PPIG: variants seen among roughly 807,000 people sequenced by gnomAD.
PPIG encodes peptidylprolyl isomerase G.
In PPIG, 26 loss-of-function variants were observed where a neutral mutation model predicts 87.9. The ratio of observed to expected loss-of-function variants is 0.30; its 90% confidence interval spans 0.22 to 0.41. The LOEUF is 0.41. PPIG is among the 10% of genes least tolerant of loss of function. The probability of loss-of-function intolerance (pLI) is 1.00; values close to 1 mark genes in which losing one functional copy is unlikely to be tolerated. For synonymous variants in PPIG, 308 were observed against 276.5 expected (o/e 1.11, Z -1.13); for missense variants, 722 against 879.4 (o/e 0.82, Z 2.26).
At chr2:169,633,835 CCT>C (rs137925996) in intron 12 of PPIG, among the ~76,000 whole-genome samples, 85,037 of 146,656 alleles carry the variant, frequency 0.58, 24,818 homozygotes, top group African/African-American at 0.7. Flanking sequence ...TCCACCCCCC[CCT>C]TTTTTTTTTT....
At chr2:169,593,761 C>CCT (rs1163135006) in intron 1 of PPIG, among the ~76,000 whole-genome samples, 1 of 149,464 alleles carries the variant, frequency 6.7e-6, no homozygotes, top group Non-Finnish European at 1.5e-5. Flanking sequence ...ACGCCATTCT[C>CCT]CTGCCTCAGC....
Position 169,631,821 on chromosome 2 carries a change from C to G in PPIG, c.817C>G (p.Arg273Gly). 6.2e-7 allele frequency: 1 copy of G among 1,613,494 alleles called. No homozygotes were observed. Among genetic ancestry groups the G allele is most frequent in the South Asian group, 1.1e-5 (1 of 91,056 alleles). Residue 273 changes from arginine to glycine, a missense_variant, in exon 11 of 14, where the codon CGT becomes GGT. Physicochemically the swap from Arg to Gly is moderately radical, Grantham distance 125. This residue lies in a region of PPIG where 142 missense variants were observed against 152.8 expected (regional missense o/e 0.93). Coordinates refer to ENST00000260970, the MANE Select transcript of PPIG (RefSeq NM_004792.3). ...NLEAQPQSTV[R>G]PEEIPPIPEN... ...TGAAGCACAACCCCAGTCTACTGTC[C>G]GTCCAGAAGAGATCCCTCCTATACC...
chr2:169,637,285 ACAG>A lies in PPIG; in HGVS notation c.2031_2033del (p.Ser677del), dbSNP rs771963358. On this transcript the variant is annotated inframe_deletion, in exon 14 of 14. Transcript: ENST00000260970. ...AGTCGTGATCATAATAGCTCAAATAACAGCAGGGAAAAAAAGGCTGATAGAGAT... is the reference window on the plus strand; with the variant it reads ...AGTCGTGATCATAATAGCTCAAATAACAGGGAAAAAAAGGCTGATAGAGAT... The A allele has an allele frequency of 1.1e-5, 18 of 1,608,252 alleles. No individual in the cohort carries two copies. Among genetic ancestry groups the A allele is most frequent in the Non-Finnish European group, 1.4e-5 (17 of 1,178,796 alleles).
chr2:169,596,693 T>C lies in PPIG; in HGVS notation c.-69-6949T>C, dbSNP rs368700973. 5.3e-5 allele frequency among the ~76,000 whole-genome samples: 8 copies of C among 151,986 alleles called. No homozygotes were observed. In the East Asian group the frequency reaches 1.4e-3, roughly 26 times the overall value. ...TGGAGCCACGCAACCAGCACTAATA[T>C]CTCTCCTGGTCCATTTTTTTTTCTG... On this transcript the variant is annotated intron_variant, in intron 1 of 13. Coordinates refer to ENST00000260970, the MANE Select transcript of PPIG (RefSeq NM_004792.3).
At chr2:169,598,452 G>A (rs905211290) in intron 1 of PPIG, among the ~76,000 whole-genome samples, 19 of 151,846 alleles carry the variant, frequency 1.3e-4, no homozygotes, top group African/African-American at 4.1e-4. Context: ...CACCACACCC[G>A]GCTAATTTTT....
At chr2:169,608,794 AT>A in intron 7 of PPIG, 36 bp downstream of exon 7, 1 of 1,501,708 alleles carries the variant, frequency 6.7e-7, no homozygotes, top group South Asian at 1.1e-5. Context: ...AAAACATCCC[AT>A]TTTTGGGCCG....
At chr2:169,588,114 G>A (rs542425120) in intron 1 of PPIG, among the ~76,000 whole-genome samples, 5 of 151,350 alleles carry the variant, frequency 3.3e-5, no homozygotes, top group Admixed American at 2.6e-4. Context: ...GCAGTGATCC[G>A]AGATCACGCC....
At position 169,638,169 on chromosome 2, in the gene PPIG, CGTAAGA is replaced by C. The variant is rs758363985; in HGVS notation, c.*651_*656del. On this transcript the variant is annotated 3_prime_UTR_variant, in exon 14 of 14. Coordinates refer to ENST00000260970, the MANE Select transcript of PPIG (RefSeq NM_004792.3). ...GTTTTACTTAACTGCCTATAAAAAT[CGTAAGA>C]GTAATTTTTTTCAGTTGATGTACTG... The C allele has an allele frequency of 1.3e-5, 2 of 151,884 alleles. No homozygotes were observed. Among genetic ancestry groups the C allele is most frequent in the African/African-American group, 4.8e-5 (2 of 41,382 alleles). The allele number at this position is 151,884 out of a possible 1,614,324, so 9.4% of individuals were successfully genotyped here.
chr2:169,611,888 T>TA (rs892586014), intron 7 of PPIG, among the ~76,000 whole-genome samples: 1 of 152,136 alleles, frequency 6.6e-6, no homozygotes, highest in Non-Finnish European at 1.5e-5. Context: ...GCTTCAGTCT[T>TA]AAAAAAAATT....
chr2:169,633,612 A>G (rs1448793468), intron 12 of PPIG: 1 of 281,604 alleles, frequency 3.6e-6, no homozygotes, highest in Admixed American at 5.1e-5. Context: ...CAGAATTTAA[A>G]TATCTTGTGC....
chr2:169,587,572 A>G (rs766336919), intron 1 of PPIG, among the ~76,000 whole-genome samples: 19 of 152,200 alleles, frequency 1.2e-4, no homozygotes, highest in African/African-American at 2.2e-4. Flanking sequence ...CTAAACTTCA[A>G]TTTTCATGTT....
chr2:169,608,969 A>C (rs1685411596), intron 7 of PPIG, among the ~76,000 whole-genome samples: 1 of 151,648 alleles, frequency 6.6e-6, no homozygotes, highest in African/African-American at 2.4e-5. Context: ...CTGTAGTCCC[A>C]GCTACTTGGG....
At chr2:169,595,145 C>G (rs1238725006) in intron 1 of PPIG, among the ~76,000 whole-genome samples, 2 of 152,100 alleles carry the variant, frequency 1.3e-5, no homozygotes, top group Non-Finnish European at 2.9e-5. Flanking sequence ...CCAGGCTGTT[C>G]TCGAACTCTT....
At chr2:169,607,512 A>G (rs144018773) in intron 6 of PPIG, among the ~76,000 whole-genome samples, 2,362 of 152,288 alleles carry the variant, frequency 0.016, 68 homozygotes, top group African/African-American at 0.054. Context: ...TTTTTAAAAA[A>G]TCTTTGATAT....
intron 7 of PPIG, among the ~76,000 whole-genome samples, chr2:169,612,544 T>C (rs1164675602): frequency 6.6e-6 from 1 of 151,952 alleles, no homozygotes; most frequent in African/African-American, 2.4e-5. Context: ...TCACCACGCC[T>C]GGCTAATTTT....
rs746155807 is a variant in PPIG at position 169,636,952 on chromosome 2, G to A, written c.1694G>A (p.Arg565Gln). 8.9e-5 allele frequency: 144 copies of A among 1,613,822 alleles called. No homozygotes were observed. The highest frequency in any genetic ancestry group is 1.2e-4 in the Non-Finnish European group (140 of 1,179,960). Reference sequence around the variant, plus strand: ...AGTTATAATAGCAGAACAAGAGAACGAAGCAGAAGTAGGGACAGAAGCAGA... The same window carrying A: ...AGTTATAATAGCAGAACAAGAGAACAAAGCAGAAGTAGGGACAGAAGCAGA... The part of the protein sequence containing the change: ...KHSYNSRTRE[R>Q]SRSRDRSRRV... Residue 565 changes from arginine to glutamine, a missense_variant, in exon 14 of 14, where the codon CGA becomes CAA. By Grantham distance (43) the Arg-to-Gln change is conservative (BLOSUM62 1). This residue lies in a region of PPIG where 476 missense variants were observed against 483.1 expected (regional missense o/e 0.99). Coordinates refer to ENST00000260970, the MANE Select transcript of PPIG (RefSeq NM_004792.3).
At chr2:169,631,515 ATTTT>A in intron 10 of PPIG, 2 of 1,161,890 alleles carry the variant, frequency 1.7e-6, no homozygotes, top group South Asian at 4.3e-5. Context: ...ATAGTTTCAT[ATTTT>A]TTATCCATTT....
chr2:169,625,728 AT>A (rs537963241), intron 9 of PPIG, among the ~76,000 whole-genome samples: 5,606 of 146,872 alleles, frequency 0.038, 159 homozygotes, highest in South Asian at 0.065. Flanking sequence ...CCTTTAACCA[AT>A]TTTTTTTTTT....
intron 1 of PPIG, among the ~76,000 whole-genome samples, chr2:169,588,686 G>A (rs781436738): frequency 6.6e-6 from 1 of 152,146 alleles, no homozygotes; most frequent in Non-Finnish European, 1.5e-5. Context: ...ATCAGGCGGA[G>A]TGCAGTGGCT....
Sources: gnomAD v4.1 joint callset for allele counts (sites outside exome capture counted in the v4.1 genomes callset) on GRCh38, gnomAD v4.1.1 for gene constraint, gnomAD v4.1.1 regional missense constraint, MANE v1.5 for transcripts, NCBI Gene and HGNC (gene_info 2026-07-23, HGNC 2026-07-21) for gene names.